The following SLC44A1 variants were observed in gnomAD, a reference collection of about 807,000 sequenced individuals.
SLC44A1 encodes the protein choline transporter-like protein 1.
SLC44A1 carries 26 observed loss-of-function variants against 79.3 expected under a neutral mutation model. The ratio of observed to expected loss-of-function variants is 0.33; its 90% CI spans 0.24 to 0.46. The LOEUF is 0.46. SLC44A1 is among the 20% of genes least tolerant of loss of function. The pLI, the probability that SLC44A1 is intolerant of heterozygous loss-of-function variation, is 1.00. For synonymous variants in SLC44A1, 263 were observed against 286.2 expected (o/e 0.92, Z 0.82); for missense variants, 688 against 798.1 (o/e 0.86, Z 1.66).
intron 15 of SLC44A1, among the ~76,000 whole-genome samples, chr9:105,435,855 T>C (rs1166775396): frequency 2.6e-5 from 4 of 152,228 alleles, no homozygotes; most frequent in Non-Finnish European, 5.9e-5. Context: ...ATGGGAACTC[T>C]ATATTATCTT....
At chr9:105,398,342 C>T (rs949565434), downstream of SLC44A1, among the ~76,000 whole-genome samples, 3 of 152,178 alleles carry the variant, frequency 2.0e-5, no homozygotes, top group African/African-American at 7.2e-5. Flanking sequence ...TGGTTGTTTA[C>T]ACCATCCTGC....
chr9:105,368,836 G>A (rs1332617774), intron 12 of SLC44A1, among the ~76,000 whole-genome samples: 2 of 152,100 alleles, frequency 1.3e-5, no homozygotes, highest in Admixed American at 6.5e-5. Context: ...TCAGGAGTTC[G>A]AGACCATCTT....
Position 105,335,419 on chromosome 9 carries a change from A to G in SLC44A1, c.270-144A>G, listed in dbSNP as rs1826882109. The G allele has an allele frequency of 2.8e-5, 15 of 532,412 alleles. No individual in the cohort carries two copies. In the South Asian group the frequency reaches 6.3e-4, roughly 22 times the overall value. 33.0% of individuals were successfully genotyped at this position (532,412 alleles called of 1,614,324 possible). ...CCCACTGTTAGTCTGTTAATAAGCA[A>G]TTTTTTTAAAATGTATTTATGATGA... On this transcript the variant is annotated intron_variant, in intron 3 of 15. Coordinates refer to ENST00000374720, the MANE Select transcript of SLC44A1 (RefSeq NM_080546.5).
Position 105,364,444 on chromosome 9 carries a change from G to A in SLC44A1, c.1088-111G>A. On this transcript the variant is annotated intron_variant, in intron 9 of 15. Transcript: ENST00000374720. The stretch of plus-strand genomic sequence containing the variant: ...TTGTCCCTTTATGAAATACCACACA[G>A]ATCAGAAGGTTTGTGGCTTGGGGTA... The A allele has an allele frequency of 4.9e-6, 4 of 814,998 alleles. 1 individual carries two copies. The Admixed American group carries it at 1.0e-4, about 21-fold the overall frequency. The allele number at this position is 814,998 out of a possible 1,614,324, so 50.5% of individuals were successfully genotyped here.
At chr9:105,310,911 A>G (rs921984900) in intron 3 of SLC44A1, among the ~76,000 whole-genome samples, 1 of 152,212 alleles carries the variant, frequency 6.6e-6, no homozygotes, top group Non-Finnish European at 1.5e-5. Flanking sequence ...ATGGCATCCC[A>G]AAGTCAACTA....
At chr9:105,245,151 C>G (rs1211026739) in intron 1 of SLC44A1, among the ~76,000 whole-genome samples, 2 of 151,910 alleles carry the variant, frequency 1.3e-5, no homozygotes, top group Non-Finnish European at 2.9e-5. Flanking sequence ...CTTCCCGGCC[C>G]CTTCCCCAGT....
At chr9:105,252,669 G>T (rs1379770445) in intron 1 of SLC44A1, among the ~76,000 whole-genome samples, 2 of 152,206 alleles carry the variant, frequency 1.3e-5, no homozygotes, top group African/African-American at 2.4e-5. Context: ...AAATGGGTGA[G>T]ACTTTATGGC....
intron 1 of SLC44A1, among the ~76,000 whole-genome samples, chr9:105,281,418 C>T (rs1830348128): frequency 6.6e-6 from 1 of 151,900 alleles, no homozygotes; most frequent in African/African-American, 2.4e-5. Flanking sequence ...TTAATTATTG[C>T]CTATAATAGT....
chr9:105,316,697 A>G (rs957383618), intron 3 of SLC44A1, among the ~76,000 whole-genome samples: 27 of 152,328 alleles, frequency 1.8e-4, no homozygotes, highest in African/African-American at 5.8e-4. Flanking sequence ...AATGTCATGT[A>G]AAAGTGTTGT....
At chr9:105,432,794 T>A (rs1361780995) in intron 15 of SLC44A1, among the ~76,000 whole-genome samples, 1 of 152,156 alleles carries the variant, frequency 6.6e-6, no homozygotes, top group African/African-American at 2.4e-5. Context: ...CAGCCAGACT[T>A]CTGAATTACA....
At chr9:105,387,732 A>G (rs992630579) in intron 15 of SLC44A1, among the ~76,000 whole-genome samples, 4 of 152,146 alleles carry the variant, frequency 2.6e-5, no homozygotes, top group African/African-American at 9.7e-5. Flanking sequence ...AGACTAGGTA[A>G]TGTGGCCATG....
At chr9:105,361,740 C>T (rs539237078) in intron 8 of SLC44A1, among the ~76,000 whole-genome samples, 5 of 152,208 alleles carry the variant, frequency 3.3e-5, no homozygotes, top group East Asian at 1.9e-4. Flanking sequence ...TTTCATTTAA[C>T]TTTATGGCGT....
At chr9:105,308,136 G>C (rs185685122) in intron 2 of SLC44A1, among the ~76,000 whole-genome samples, 28 of 152,324 alleles carry the variant, frequency 1.8e-4, no homozygotes, top group African/African-American at 6.5e-4. Context: ...AAGTAAGTTT[G>C]TCCAAGGTCA....
chr9:105,409,942 A>G (rs1394992728), intron 15 of SLC44A1, among the ~76,000 whole-genome samples: 1 of 152,202 alleles, frequency 6.6e-6, no homozygotes, highest in Admixed American at 6.5e-5. Flanking sequence ...TCAAGGCTAA[A>G]CCATGTTAGG....
chr9:105,415,166 C>T (rs886454575), intron 15 of SLC44A1, among the ~76,000 whole-genome samples: 6 of 152,264 alleles, frequency 3.9e-5, no homozygotes, highest in Middle Eastern at 6.8e-3. Flanking sequence ...CAAATGAATC[C>T]TTTGGCAGCC....
At chr9:105,367,250 T>G (rs1827970311) in intron 12 of SLC44A1, among the ~76,000 whole-genome samples, 1 of 152,224 alleles carries the variant, frequency 6.6e-6, no homozygotes, top group African/African-American at 2.4e-5. Flanking sequence ...GCTAAGTGAT[T>G]GAAGAGTAGC....
At chr9:105,349,764 A>AT (rs1253086941) in intron 5 of SLC44A1, among the ~76,000 whole-genome samples, 1 of 152,202 alleles carries the variant, frequency 6.6e-6, no homozygotes. Context: ...TGAATATAGA[A>AT]TCATGCTCTC....
rs557361700 is a variant in SLC44A1 at position 105,393,703 on chromosome 9, T to C, written c.*4647T>C. The C allele has an allele frequency of 1.0e-6, 1 of 984,708 alleles. No individual in the cohort carries two copies. Among genetic ancestry groups the C allele is most frequent in the Middle Eastern group, 5.2e-4 (1 of 1,912 alleles). 61.0% of individuals were successfully genotyped at this position (984,708 alleles called of 1,614,324 possible). On this transcript the variant is annotated 3_prime_UTR_variant, in exon 16 of 16. Coordinates refer to ENST00000374720, the MANE Select transcript of SLC44A1 (RefSeq NM_080546.5). ...TTCAGTTTCAATATTGCATGAACAATTGCCACTTTGTAAATTATATGGACA... is the reference window on the plus strand; with the variant it reads ...TTCAGTTTCAATATTGCATGAACAACTGCCACTTTGTAAATTATATGGACA...
intron 15 of SLC44A1, 80 bp downstream of exon 15, chr9:105,385,582 C>A: frequency 1.3e-6 from 2 of 1,536,806 alleles, no homozygotes; most frequent in Non-Finnish European, 1.8e-6. Context: ...ACTGACTGCA[C>A]TTCTTCAGGA....
Sources: gnomAD v4.1 joint callset for allele counts (sites outside exome capture counted in the v4.1 genomes callset) on GRCh38, gnomAD v4.1.1 for gene constraint, MANE v1.5 for transcripts, NCBI Gene and HGNC (gene_info 2026-07-23, HGNC 2026-07-21) for gene names.